Variants in UQCC1 observed in about 807,000 individuals in gnomAD.
UQCC1 encodes the protein ubiquinol-cytochrome c reductase complex assembly factor 1.
Under a neutral mutation model 48.0 loss-of-function variants are expected in UQCC1, and 38 were observed. The ratio of observed to expected loss-of-function variants is 0.79; its 90% CI spans 0.61 to 1.04. The LOEUF (loss-of-function observed/expected upper bound fraction) is 1.04. Among genes scored for constraint, UQCC1 ranks in the 50% least tolerant of loss-of-function variants. The pLI is 0.00. For synonymous variants in UQCC1, 111 were observed against 129.2 expected, an observed-to-expected ratio of 0.86 and a Z score of 0.95; for missense variants, 368 against 381.8, an observed-to-expected ratio of 0.96 and a Z score of 0.30.
intron 6 of UQCC1, among the ~76,000 whole-genome samples, chr20:35,349,591 A>G (rs1246666660): frequency 1.3e-5 from 2 of 151,742 alleles, no homozygotes; most frequent in Non-Finnish European, 2.9e-5. Flanking sequence ...TGAACATTAC[A>G]TTTTAAGAAA....
At chr20:35,356,452 A>G (rs1457852660) in intron 6 of UQCC1, among the ~76,000 whole-genome samples, 1 of 152,260 alleles carries the variant, frequency 6.6e-6, no homozygotes, top group African/African-American at 2.4e-5. Flanking sequence ...AAGAAAGAAA[A>G]AAAAAACTTA....
intron 6 of UQCC1, among the ~76,000 whole-genome samples, chr20:35,357,844 A>G (rs939019029): frequency 6.6e-6 from 1 of 152,148 alleles, no homozygotes; most frequent in East Asian, 1.9e-4. Context: ...TAAGTAAGCT[A>G]TTTCACAATA....
chr20:35,396,123 T>A (rs2062075263), intron 1 of UQCC1, among the ~76,000 whole-genome samples: 1 of 151,438 alleles, frequency 6.6e-6, no homozygotes, highest in Non-Finnish European at 1.5e-5. Flanking sequence ...TGGCTGGGAC[T>A]ACAGGCATGA....
chr20:35,410,719 AAAAAAC>A (rs2062344367), intron 1 of UQCC1, among the ~76,000 whole-genome samples: 1 of 125,034 alleles, frequency 8.0e-6, no homozygotes, highest in Non-Finnish European at 1.6e-5. Flanking sequence ...AAAAAAAAAA[AAAAAAC>A]AAAACCCTAA....
chr20:35,392,458 T>C lies in UQCC1; in HGVS notation c.129+1634A>G, dbSNP rs115432194. On this transcript the variant is annotated intron_variant, in intron 2 of 9. Transcript: ENST00000374385. ...ACAGTACCCGGTACTTATTAGGTGC[T>C]CAAGAAACGTTTACTGACCCAAAGA... Among the ~76,000 whole-genome samples, 475 of 152,298 alleles carry C rather than the reference T, an allele frequency of 3.1e-3. 2 individuals are homozygous for C. The highest frequency in any genetic ancestry group is 0.011 in the African/African-American group (456 of 41,562).
Position 35,381,889 on chromosome 20 carries a change from A to G in UQCC1, c.333+29T>C, listed in dbSNP as rs780425950. On this transcript the variant is annotated intron_variant, in intron 4 of 9. Transcript: ENST00000374385. ...AGCAGAAAGCACAATGCCCAAAAGGAAAAATGAGAAGAACTTAAAGGACTT... is the reference window on the plus strand; with the variant it reads ...AGCAGAAAGCACAATGCCCAAAAGGGAAAATGAGAAGAACTTAAAGGACTT... 30 of 1,348,568 alleles carry G rather than the reference A, an allele frequency of 2.2e-5. No homozygotes were observed. The Admixed American group carries it at 6.2e-4, about 28-fold the overall frequency. The allele number at this position is 1,348,568 out of a possible 1,614,324, so 83.5% of individuals were successfully genotyped here.
At chr20:35,314,832 C>CT in intron 7 of UQCC1, 67 bp from the exon 8 acceptor site, 2 of 1,308,564 alleles carry the variant, frequency 1.5e-6, no homozygotes, top group South Asian at 2.7e-5. Flanking sequence ...AAAGTATGAT[C>CT]TTTGACTCTT....
rs1173894875 is a variant in UQCC1 at position 35,314,816 on chromosome 20, A to C, written c.574-51T>G. ...AAGTTTGAAAGAAAGAAAGAAAAAA[A>C]CCCAAAAAGTATGATCTTTGACTCT... On this transcript the variant is annotated intron_variant, in intron 7 of 9. Coordinates refer to ENST00000374385, the MANE Select transcript of UQCC1 (RefSeq NM_018244.5). 2.7e-6 allele frequency: 4 copies of C among 1,490,230 alleles called. No homozygotes were observed. In the South Asian group the frequency reaches 3.6e-5, roughly 14 times the overall value. The allele number at this position is 1,490,230 out of a possible 1,614,324, so 92.3% of individuals were successfully genotyped here. A position where few individuals can be genotyped will look rare whatever the true frequency, so the allele number is the denominator to read the frequency against.
intron 4 of UQCC1, among the ~76,000 whole-genome samples, chr20:35,378,368 C>G (rs891609577): frequency 2.0e-5 from 3 of 152,158 alleles, no homozygotes. Context: ...AATCCCAGCA[C>G]TTTGAGAGGC....
intron 7 of UQCC1, among the ~76,000 whole-genome samples, chr20:35,326,137 G>A (rs1377996205): frequency 6.6e-6 from 1 of 152,184 alleles, no homozygotes; most frequent in African/African-American, 2.4e-5. Flanking sequence ...GTAGATGAGA[G>A]TCTGTAAGGA....
At chr20:35,404,967 T>C (rs1011528420) in intron 1 of UQCC1, among the ~76,000 whole-genome samples, 1 of 152,156 alleles carries the variant, frequency 6.6e-6, no homozygotes, top group Admixed American at 6.6e-5. Context: ...TTCCTGGGCA[T>C]CTAGGAAGCC....
At chr20:35,314,801 G>A (rs768006644) in intron 7 of UQCC1, 36 bp from the exon 8 acceptor site, 5 of 1,549,324 alleles carry the variant, frequency 3.2e-6, no homozygotes, top group Middle Eastern at 3.4e-4. Flanking sequence ...AAGTTTGAAA[G>A]AAAGAAAGAA....
chr20:35,377,075 C>T (rs111776104), intron 4 of UQCC1, among the ~76,000 whole-genome samples: 2 of 151,948 alleles, frequency 1.3e-5, no homozygotes, highest in East Asian at 1.9e-4. Context: ...TCAATAAGGC[C>T]AACCTTATCC....
chr20:35,329,192 G>A (rs1002626636), intron 7 of UQCC1, among the ~76,000 whole-genome samples: 2 of 152,248 alleles, frequency 1.3e-5, no homozygotes, highest in Non-Finnish European at 2.9e-5. Context: ...AACTCCGGGA[G>A]TTTAGGATGA....
At chr20:35,352,544 C>T (rs1453138988) in intron 6 of UQCC1, among the ~76,000 whole-genome samples, 1 of 152,168 alleles carries the variant, frequency 6.6e-6, no homozygotes, top group African/African-American at 2.4e-5. Context: ...TACCACATAA[C>T]AATTTTGGTC....
intron 2 of UQCC1, chr20:35,392,124 A>G (rs996345108): frequency 1.4e-6 from 1 of 725,222 alleles, no homozygotes; most frequent in Non-Finnish European, 2.1e-6. Flanking sequence ...ATTTCCAGTA[A>G]GAGTAAATTT....
chr20:35,320,902 T>C (rs2061116664), intron 7 of UQCC1, among the ~76,000 whole-genome samples: 1 of 152,188 alleles, frequency 6.6e-6, no homozygotes, highest in Non-Finnish European at 1.5e-5. Flanking sequence ...ATCAAATTCA[T>C]CATAAGGCAA....
chr20:35,321,289 C>T (rs1166358617), intron 7 of UQCC1, among the ~76,000 whole-genome samples: 24 of 139,226 alleles, frequency 1.7e-4, no homozygotes, highest in African/African-American at 5.4e-4. Flanking sequence ...TGTGTGCGCG[C>T]GCGCGCGCGC....
At chr20:35,374,306 C>G in intron 4 of UQCC1, 50 bp from the exon 5 acceptor site, 1 of 1,406,602 alleles carries the variant, frequency 7.1e-7, no homozygotes, top group Non-Finnish European at 1.0e-6. Flanking sequence ...AGTGGATGTT[C>G]TACTTCCATT....
Sources: allele counts gnomAD v4.1 joint callset (sites outside exome capture counted in the v4.1 genomes callset), GRCh38; gene constraint gnomAD v4.1.1; transcripts MANE v1.5; gene names NCBI Gene and HGNC (gene_info 2026-07-23, HGNC 2026-07-21).